The following REDIC1 variants were observed in gnomAD, a reference collection of about 807,000 sequenced individuals.
REDIC1 encodes HEI10 Interacting Protein 1.
the REDIC1 span, among the ~76,000 whole-genome samples, chr12:39,700,071 G>A: frequency 2.0e-5 from 3 of 152,150 alleles, no homozygotes; most frequent in African/African-American, 4.8e-5. Context: ...CACCAGCAAC[G>A]GAACAAAGCT....
At chr12:39,673,500 C>T in the REDIC1 span, among the ~76,000 whole-genome samples, 1 of 152,196 alleles carries the variant, frequency 6.6e-6, no homozygotes, top group Non-Finnish European at 1.5e-5. Flanking sequence ...AAAAGCAAGG[C>T]TCTGCATAAT....
At chr12:39,778,735 C>A in the REDIC1 span, among the ~76,000 whole-genome samples, 3 of 152,064 alleles carry the variant, frequency 2.0e-5, no homozygotes, top group Non-Finnish European at 2.9e-5. Context: ...ACATACATTG[C>A]CCCAGGTGTT....
chr12:39,674,907 G>A, the REDIC1 span, among the ~76,000 whole-genome samples: 14 of 152,188 alleles, frequency 9.2e-5, no homozygotes, highest in Non-Finnish European at 1.5e-4. Context: ...GAATCTTGGC[G>A]GTGGGGTGCG....
chr12:39,757,964 A>T, the REDIC1 span: 1 of 152,102 alleles, frequency 6.6e-6, no homozygotes, highest in Non-Finnish European at 1.5e-5. Flanking sequence ...TCCTTATTAT[A>T]TTTTGATTGT....
At chr12:39,864,938 G>T in the REDIC1 span, 1 of 1,486,776 alleles carries the variant, frequency 6.7e-7, no homozygotes, top group Non-Finnish European at 9.0e-7. Flanking sequence ...TTTTAAGGCA[G>T]ACTGGGTTTG....
chr12:39,716,237 A>C, the REDIC1 span, among the ~76,000 whole-genome samples: 2 of 152,146 alleles, frequency 1.3e-5, no homozygotes, highest in South Asian at 2.1e-4. Flanking sequence ...CCTACATCTC[A>C]ATCCCATTTT....
the REDIC1 span, among the ~76,000 whole-genome samples, chr12:39,725,455 A>G: frequency 6.6e-6 from 1 of 151,886 alleles, no homozygotes; most frequent in South Asian, 2.1e-4. Flanking sequence ...CTATTTTCCT[A>G]TTTCTCATAT....
the REDIC1 span, among the ~76,000 whole-genome samples, chr12:39,626,997 G>C: frequency 1.3e-5 from 2 of 152,166 alleles, no homozygotes; most frequent in African/African-American, 4.8e-5. Flanking sequence ...AGTCCAGCTG[G>C]GTGGAAATCA....
At chr12:39,712,887 A>G in the REDIC1 span, among the ~76,000 whole-genome samples, 6 of 145,308 alleles carry the variant, frequency 4.1e-5, no homozygotes, top group Admixed American at 6.8e-5. Flanking sequence ...GTATATACAT[A>G]TATGCATATA....
chr12:39,710,060 T>C, the REDIC1 span, among the ~76,000 whole-genome samples: 1 of 151,872 alleles, frequency 6.6e-6, no homozygotes, highest in Non-Finnish European at 1.5e-5. Context: ...TAGATCTTTT[T>C]AAATGGTGAA....
the REDIC1 span, among the ~76,000 whole-genome samples, chr12:39,703,851 G>T: frequency 6.6e-6 from 1 of 152,188 alleles, no homozygotes; most frequent in African/African-American, 2.4e-5. Flanking sequence ...AATAAATGGT[G>T]CTGGGAAAAC....
At chr12:39,833,970 C>T in the REDIC1 span, among the ~76,000 whole-genome samples, 1 of 151,608 alleles carries the variant, frequency 6.6e-6, no homozygotes, top group Non-Finnish European at 1.5e-5. Flanking sequence ...TATAGGGTTC[C>T]TTCTCTATAT....
chr12:39,821,224 T>G, the REDIC1 span, among the ~76,000 whole-genome samples: 1 of 152,026 alleles, frequency 6.6e-6, no homozygotes. Flanking sequence ...CCATCCTGGC[T>G]AACACGGTGA....
At chr12:39,628,439 G>A in the REDIC1 span, among the ~76,000 whole-genome samples, 2,008 of 152,212 alleles carry the variant, frequency 0.013, 14 homozygotes, top group Middle Eastern at 0.027. Context: ...GGAGCTAATA[G>A]AATAGAAATT....
At chr12:39,668,458 C>T in the REDIC1 span, among the ~76,000 whole-genome samples, 56 of 152,280 alleles carry the variant, frequency 3.7e-4, no homozygotes, top group Admixed American at 1.4e-3. Flanking sequence ...ATGGGCTTCC[C>T]GTTGTGGGTA....
the REDIC1 span, among the ~76,000 whole-genome samples, chr12:39,832,815 G>A: frequency 1.8e-4 from 28 of 152,030 alleles, no homozygotes; most frequent in Middle Eastern, 3.4e-3. Flanking sequence ...ATACCCATCT[G>A]GTAAAAATCC....
the REDIC1 span, among the ~76,000 whole-genome samples, chr12:39,843,660 T>G: frequency 1.3e-5 from 2 of 152,062 alleles, no homozygotes; most frequent in African/African-American, 4.8e-5. Context: ...TGCTCAACTC[T>G]CCAGCTCTAT....
the REDIC1 span, among the ~76,000 whole-genome samples, chr12:39,786,422 ATC>A: frequency 1.1e-4 from 1 of 8,788 alleles, no homozygotes; most frequent in Non-Finnish European, 2.5e-4. Flanking sequence ...GTCCAGTTAA[ATC>A]TCTTTTTCTT....
At chr12:39,786,596 A>G in the REDIC1 span, among the ~76,000 whole-genome samples, 144,175 of 152,262 alleles carry the variant, frequency 0.95, 68,379 homozygotes, top group East Asian at 1. Flanking sequence ...CAAGGAGAGC[A>G]TGATATTCAG....
Sources: gnomAD v4.1 joint callset for allele counts (sites outside exome capture counted in the v4.1 genomes callset) on GRCh38, gnomAD v4.1.1 for gene constraint, MANE v1.5 for transcripts, NCBI Gene and HGNC (gene_info 2026-07-23, HGNC 2026-07-21) for gene names.